Variants in RNF130 observed in about 807,000 individuals in gnomAD.
The protein encoded by RNF130 is E3 ubiquitin-protein ligase RNF130.
Under a neutral mutation model 44.6 loss-of-function variants are expected in RNF130, and 21 were observed. That is an observed-to-expected ratio of 0.47 (90% CI 0.33 to 0.68). The LOEUF (loss-of-function observed/expected upper bound fraction) is 0.68. Among genes scored for constraint, RNF130 ranks in the 30% least tolerant of loss-of-function variants. The pLI is 0.02. For synonymous variants in RNF130, 214 were observed against 210.4 expected (o/e 1.02, Z -0.15); for missense variants, 479 against 560.6 (o/e 0.85, Z 1.47).
intron 3 of RNF130, among the ~76,000 whole-genome samples, chr5:180,000,496 C>G (rs143515732): frequency 2.4e-3 from 361 of 152,290 alleles, no homozygotes; most frequent in African/African-American, 8.4e-3. Context: ...TGCCTTTCCC[C>G]TTCTCTCCTT....
At chr5:180,030,262 C>T (rs1669104533) in intron 2 of RNF130, among the ~76,000 whole-genome samples, 1 of 152,120 alleles carries the variant, frequency 6.6e-6, no homozygotes, top group Non-Finnish European at 1.5e-5. Context: ...CTTTGTCTCT[C>T]CAAGTAAGAA....
At position 180,071,575 on chromosome 5, in the gene RNF130, A is replaced by G; in HGVS notation, c.128T>C (p.Val43Ala). The G allele has an allele frequency of 1.3e-6, 2 of 1,485,642 alleles. No individual in the cohort carries two copies. The highest frequency in any genetic ancestry group is 1.8e-6 in the Non-Finnish European group (2 of 1,113,778). 92.0% of individuals were successfully genotyped at this position (1,485,642 alleles called of 1,614,324 possible). A position where few individuals can be genotyped will look rare whatever the true frequency, so the allele number is the denominator to read the frequency against. The change falls in exon 1 of 9, where the codon GTG becomes GCG. Residue 43 changes from valine to alanine, a missense_variant. Physicochemically the swap from Val to Ala is moderately conservative, Grantham distance 64 (BLOSUM62 0). Around this residue, in one of 3 missense-constraint regions of RNF130, gnomAD observed 138 missense variants for 126.9 expected, o/e 1.09. Transcript: ENST00000521389. ...EYYTALINVT[V>A]QEPGRGAPLT... Reference sequence around the variant, plus strand: ...CGGGGCGCCGCGGCCGGGCTCCTGCACCGTCACGTTGATGAGCGCCGTGTA... The same window carrying G: ...CGGGGCGCCGCGGCCGGGCTCCTGCGCCGTCACGTTGATGAGCGCCGTGTA...
intron 1 of RNF130, among the ~76,000 whole-genome samples, chr5:180,059,468 C>G (rs546938222): frequency 6.6e-6 from 1 of 152,328 alleles, no homozygotes; most frequent in African/African-American, 2.4e-5. Context: ...AACTTCCTGT[C>G]CTGTCTGGAA....
chr5:180,012,443 C>T (rs1763614347), intron 3 of RNF130, among the ~76,000 whole-genome samples: 1 of 152,124 alleles, frequency 6.6e-6, no homozygotes, highest in African/African-American at 2.4e-5. Flanking sequence ...AACTGAGGGC[C>T]ACCATCTCCA....
intron 1 of RNF130, among the ~76,000 whole-genome samples, chr5:180,060,251 G>A (rs1344789827): frequency 6.6e-6 from 1 of 152,216 alleles, no homozygotes; most frequent in Non-Finnish European, 1.5e-5. Flanking sequence ...GTTGCTGTGA[G>A]CCACCTAGTT....
At chr5:179,968,249 C>A (rs1222842376) in intron 6 of RNF130, among the ~76,000 whole-genome samples, 1 of 151,904 alleles carries the variant, frequency 6.6e-6, no homozygotes, top group Non-Finnish European at 1.5e-5. Flanking sequence ...GAGCCGAGAT[C>A]GCACCACTGC....
intron 3 of RNF130, among the ~76,000 whole-genome samples, chr5:179,984,439 G>C (rs1762909361): frequency 6.6e-6 from 1 of 152,096 alleles, no homozygotes; most frequent in Admixed American, 6.6e-5. Context: ...CTAATAGTTT[G>C]AGGAAAGTTT....
intron 1 of RNF130, among the ~76,000 whole-genome samples, chr5:180,042,312 C>CTAA: frequency 6.6e-6 from 1 of 152,290 alleles, no homozygotes; most frequent in South Asian, 2.1e-4. Flanking sequence ...CAGAGGTCTC[C>CTAA]TAATACATGA....
rs34823714 is a variant in RNF130, at chr5:180,018,029, T to C, written c.443-4718A>G. On this transcript the variant is annotated intron_variant, in intron 2 of 8. Coordinates refer to ENST00000521389, the MANE Select transcript of RNF130 (RefSeq NM_018434.6). Reference sequence around the variant, plus strand: ...AAGAGGTTCAGGCTGGGCGTGGTGGTTCACACCTGTAATCTCAGCACTTTG... The same window carrying C: ...AAGAGGTTCAGGCTGGGCGTGGTGGCTCACACCTGTAATCTCAGCACTTTG... Among the ~76,000 whole-genome samples the C allele has an allele frequency of 8.7e-3, 1,318 of 152,200 alleles. 25 individuals are homozygous for C. The highest frequency in any genetic ancestry group is 0.03 in the African/African-American group (1,233 of 41,524).
chr5:180,020,058 G>A (rs899942114), intron 2 of RNF130, among the ~76,000 whole-genome samples: 1 of 152,162 alleles, frequency 6.6e-6, no homozygotes, highest in Non-Finnish European at 1.5e-5. Flanking sequence ...TAAATGACAG[G>A]AAGAGAGGGG....
intron 7 of RNF130, among the ~76,000 whole-genome samples, chr5:179,922,198 T>C (rs1193828955): frequency 6.7e-6 from 1 of 149,594 alleles, no homozygotes; most frequent in African/African-American, 2.6e-5. Context: ...CTCTGATGAC[T>C]AGTGACGTTG....
Position 180,071,723 on chromosome 5 carries a change from C to T in RNF130, c.-21G>A. 1 of 1,237,966 alleles carries T rather than the reference C, an allele frequency of 8.1e-7. No individual in the cohort carries two copies. The highest frequency in any genetic ancestry group is 1.0e-6 in the Non-Finnish European group (1 of 991,918). 76.7% of individuals were successfully genotyped at this position (1,237,966 alleles called of 1,614,324 possible). On this transcript the variant is annotated 5_prime_UTR_variant, in exon 1 of 9. Transcript: ENST00000521389. ...CTCATCGTCCCTCCGGCAGCCGCCG[C>T]TGCTCGCGGACCGGGCTCCGGGGCC... is the stretch of plus-strand genomic sequence containing the variant.
intron 7 of RNF130, among the ~76,000 whole-genome samples, chr5:179,928,984 A>T (rs955700506): frequency 3.3e-5 from 5 of 152,284 alleles, no homozygotes; most frequent in East Asian, 3.9e-4. Flanking sequence ...GGAACAAATT[A>T]TCTAACTTTT....
chr5:179,996,518 T>C (rs1763200492), intron 3 of RNF130, among the ~76,000 whole-genome samples: 4 of 152,192 alleles, frequency 2.6e-5, no homozygotes, highest in Admixed American at 2.0e-4. Flanking sequence ...TGTTAAGAGT[T>C]CATATCATGA....
chr5:179,928,092 A>T (rs1183144851), intron 7 of RNF130, among the ~76,000 whole-genome samples: 1 of 152,156 alleles, frequency 6.6e-6, no homozygotes, highest in African/African-American at 2.4e-5. Flanking sequence ...TCTAATCTTT[A>T]CGGACAGGCA....
Position 180,035,685 on chromosome 5 carries a change from A to G in RNF130, c.442+4768T>C, listed in dbSNP as rs985952046. Among the ~76,000 whole-genome samples the G allele has an allele frequency of 3.3e-5, 5 of 152,264 alleles. No homozygotes were observed. In the East Asian group the frequency reaches 5.8e-4, roughly 18 times the overall value. On this transcript the variant is annotated intron_variant, in intron 2 of 8. Coordinates refer to ENST00000521389, the MANE Select transcript of RNF130 (RefSeq NM_018434.6). ...GCTTTGTGTATCTTAGGTCTCTGATATATGTTGGTGTGTCTGACAGTGTCC... is the reference window on the plus strand; with the variant it reads ...GCTTTGTGTATCTTAGGTCTCTGATGTATGTTGGTGTGTCTGACAGTGTCC...
rs544348464 is a variant in RNF130 at position 180,045,849 on chromosome 5, T to C, written c.248-5202A>G. ...CCTTGAGCTAGACACAGAGTGCTGA[T>C]TGGTGCATTTACAATCCTTTAGCTA... On this transcript the variant is annotated intron_variant, in intron 1 of 8. Coordinates refer to ENST00000521389, the MANE Select transcript of RNF130 (RefSeq NM_018434.6). Among the ~76,000 whole-genome samples, 9 of 152,310 alleles carry C rather than the reference T, an allele frequency of 5.9e-5. No homozygotes were observed. In the South Asian group the frequency reaches 8.3e-4, roughly 14 times the overall value.
At chr5:180,048,089 C>G (rs764952123) in intron 1 of RNF130, among the ~76,000 whole-genome samples, 3 of 151,836 alleles carry the variant, frequency 2.0e-5, no homozygotes, top group Non-Finnish European at 4.4e-5. Flanking sequence ...ATTTTTACTT[C>G]TATGAACCCA....
At chr5:180,065,078 T>A (rs1765070214) in intron 1 of RNF130, among the ~76,000 whole-genome samples, 1 of 152,012 alleles carries the variant, frequency 6.6e-6, no homozygotes, top group Admixed American at 6.6e-5. Flanking sequence ...TCCAGTTCCT[T>A]AATAATCCTA....
Sources: allele counts gnomAD v4.1 joint callset (sites outside exome capture counted in the v4.1 genomes callset), GRCh38; gene constraint gnomAD v4.1.1; regional missense constraint gnomAD v4.1.1; transcripts MANE v1.5; gene names NCBI Gene and HGNC (gene_info 2026-07-23, HGNC 2026-07-21).